The following FMN2 variants were observed in gnomAD, a reference collection of about 807,000 sequenced individuals.
FMN2 encodes formin 2, also known as formin-2.
FMN2 carries 51 observed loss-of-function variants against 142.3 expected under a neutral mutation model. That is an observed-to-expected ratio of 0.36 (90% CI 0.29 to 0.45). FMN2 has a LOEUF of 0.45. Ranked by LOEUF, FMN2 falls within the 20% of genes least tolerant of loss-of-function variation. The probability of loss-of-function intolerance (pLI) is 1.00; values close to 1 mark genes in which losing one functional copy is unlikely to be tolerated. For missense variants in FMN2, 1,936 were observed against 2,122.8 expected (o/e 0.91, Z 1.73); for synonymous variants, 882 against 869.8 (o/e 1.01, Z -0.25).
chr1:240,355,902 A>G lies in FMN2; in HGVS notation c.4852A>G (p.Ile1618Val). Residue 1618 changes from isoleucine to valine, a missense_variant, in exon 14 of 18, where the codon ATT (isoleucine) becomes GTT (valine). Physicochemically the swap from Ile to Val is conservative, Grantham distance 29. Coordinates refer to ENST00000319653, the MANE Select transcript of FMN2 (RefSeq NM_020066.5). Reference protein sequence around the residue: ...PFKENMEQFIIQAKIDQEAEE... With the variant: ...PFKENMEQFIVQAKIDQEAEE... Reference sequence around the variant, plus strand: ...CAAGGAAAACATGGAACAATTTATTATTCAAGGTAAATTCCAAAGAGATGT... The same window carrying G: ...CAAGGAAAACATGGAACAATTTATTGTTCAAGGTAAATTCCAAAGAGATGT... 6.9e-7 allele frequency: 1 copy of G among 1,440,740 alleles called. No individual in the cohort carries two copies. Among genetic ancestry groups the G allele is most frequent in the Non-Finnish European group, 9.4e-7 (1 of 1,060,098 alleles). The allele number at this position is 1,440,740 out of a possible 1,614,324, so 89.2% of individuals were successfully genotyped here.
rs755916887 is a variant in FMN2 at position 240,207,339 on chromosome 1, C to T, written c.2527C>T (p.His843Tyr). 2 of 1,613,810 alleles carry T rather than the reference C, an allele frequency of 1.2e-6. No individual in the cohort carries two copies. Among genetic ancestry groups the T allele is most frequent in the Non-Finnish European group, 1.7e-6 (2 of 1,179,846 alleles). ...TACCGAGTTTCAAACCAGCCACGAACACTCTGTTTCCTCTGCCTTTAAAAA... is the reference window on the plus strand; with the variant it reads ...TACCGAGTTTCAAACCAGCCACGAATACTCTGTTTCCTCTGCCTTTAAAAA... ...ISTEFQTSHE[H>Y]SVSSAFKNSC... Residue 843 changes from histidine (H) to tyrosine (Y), a missense_variant, in exon 5 of 18, where the codon CAC becomes TAC. By Grantham distance (83) the His-to-Tyr change is moderately conservative (BLOSUM62 2). This residue lies in a region of FMN2 where 478 missense variants were observed against 462.8 expected (regional missense o/e 1.03). Coordinates refer to ENST00000319653, the MANE Select transcript of FMN2 (RefSeq NM_020066.5).
At chr1:240,398,901 A>G (rs1214126390) in intron 15 of FMN2, among the ~76,000 whole-genome samples, 1 of 152,210 alleles carries the variant, frequency 6.6e-6, no homozygotes, top group Non-Finnish European at 1.5e-5. Flanking sequence ...CAGAAATTAT[A>G]AAAAGTTTAG....
intron 1 of FMN2, among the ~76,000 whole-genome samples, chr1:240,094,778 T>G (rs984299209): frequency 7.9e-5 from 12 of 152,246 alleles, no homozygotes; most frequent in African/African-American, 2.7e-4. Context: ...TTTTAAAATC[T>G]TATGTTCTAT....
At chr1:240,206,477 T>C (rs1572059081) in intron 4 of FMN2, among the ~76,000 whole-genome samples, 1 of 152,136 alleles carries the variant, frequency 6.6e-6, no homozygotes, top group Non-Finnish European at 1.5e-5. Context: ...GTTCCTAGGC[T>C]GGAAAGAAGG....
At chr1:240,321,894 C>T (rs1036424799) in intron 8 of FMN2, among the ~76,000 whole-genome samples, 1 of 152,138 alleles carries the variant, frequency 6.6e-6, no homozygotes, top group South Asian at 2.1e-4. Flanking sequence ...TGAAACACTT[C>T]TTGGTTTAAT....
intron 16 of FMN2, among the ~76,000 whole-genome samples, chr1:240,439,430 C>T (rs1675528418): frequency 6.6e-6 from 1 of 152,072 alleles, no homozygotes; most frequent in Admixed American, 6.6e-5. Context: ...AATTTTGATA[C>T]CTCCTTAAAT....
Position 240,184,708 on chromosome 1 carries a change from C to G in FMN2, c.1931-3499C>G, listed in dbSNP as rs547198447. On this transcript the variant is annotated intron_variant, in intron 3 of 17. Coordinates refer to ENST00000319653, the MANE Select transcript of FMN2 (RefSeq NM_020066.5). ...TCCTAGAGCTGGGTTTAAGGCAATTCCTGAAAGTGCCCTGGATCCTGGGAG... is the reference window on the plus strand; with the variant it reads ...TCCTAGAGCTGGGTTTAAGGCAATTGCTGAAAGTGCCCTGGATCCTGGGAG... 1.3e-4 allele frequency among the ~76,000 whole-genome samples: 19 copies of G among 151,910 alleles called. No individual in the cohort carries two copies. In the South Asian group the frequency reaches 3.5e-3, roughly 28 times the overall value.
chr1:240,376,434 AT>A (rs987910815), intron 14 of FMN2, among the ~76,000 whole-genome samples: 43 of 151,466 alleles, frequency 2.8e-4, no homozygotes, highest in African/African-American at 1.0e-3. Context: ...ATTAATTAGT[AT>A]TTTTTAATAT....
chr1:240,345,534 G>A (rs1191152483), intron 13 of FMN2, among the ~76,000 whole-genome samples: 2 of 152,126 alleles, frequency 1.3e-5, no homozygotes, highest in African/African-American at 4.8e-5. Context: ...GCAGTGGCCT[G>A]ATCTCGACTC....
At chr1:240,401,660 A>C (rs780374559) in intron 15 of FMN2, among the ~76,000 whole-genome samples, 8 of 152,202 alleles carry the variant, frequency 5.3e-5, no homozygotes, top group Non-Finnish European at 1.0e-4. Context: ...GTGATAGCTG[A>C]GTTGGGCTAT....
Position 240,245,932 on chromosome 1 carries a change from G to A in FMN2, c.4066-12013G>A, listed in dbSNP as rs555735759. ...ACAGTGGCTTACGCCTGTAATCCAG[G>A]CACTTGGGGAGGCCGTGGCGGGCGG... is the stretch of plus-strand genomic sequence containing the variant. On this transcript the variant is annotated intron_variant, in intron 6 of 17. Transcript: ENST00000319653. Among the ~76,000 whole-genome samples the A allele has an allele frequency of 3.8e-3, 569 of 151,132 alleles. 4 individuals carry two copies. Among genetic ancestry groups the A allele is most frequent in the African/African-American group, 0.013 (551 of 41,128 alleles).
chr1:240,123,438 AAAC>A, intron 2 of FMN2, 93 bp downstream of exon 2: 1 of 1,332,122 alleles, frequency 7.5e-7, no homozygotes, highest in Non-Finnish European at 1.0e-6. Context: ...TATAATTTAA[AAAC>A]AACATGTGAT....
chr1:240,221,872 A>G (rs568224515), intron 6 of FMN2, among the ~76,000 whole-genome samples: 8 of 138,698 alleles, frequency 5.8e-5, no homozygotes, highest in African/African-American at 2.1e-4. Context: ...TTTTTTAATG[A>G]AGTCTTGCTC....
At chr1:240,407,079 C>G (rs1043139573) in intron 15 of FMN2, among the ~76,000 whole-genome samples, 5 of 151,708 alleles carry the variant, frequency 3.3e-5, no homozygotes, top group Non-Finnish European at 5.9e-5. Flanking sequence ...ATTTCCCTAC[C>G]ATTTGTCTTG....
intron 13 of FMN2, among the ~76,000 whole-genome samples, chr1:240,352,448 G>A (rs1031292700): frequency 2.0e-5 from 3 of 152,132 alleles, no homozygotes; most frequent in Non-Finnish European, 4.4e-5. Context: ...AGGGCGTGGT[G>A]GCAGGCGCCT....
intron 10 of FMN2, among the ~76,000 whole-genome samples, 165 bp from the exon 11 acceptor site, chr1:240,330,438 C>CT (rs1358228401): frequency 1.3e-5 from 2 of 152,138 alleles, no homozygotes; most frequent in Admixed American, 1.3e-4. Flanking sequence ...CTTTTACTAA[C>CT]TTTCAGGATA....
At chr1:240,252,970 T>TTTTTTTTTTTTTTTTTTTTTTG (rs1668333313) in intron 6 of FMN2, among the ~76,000 whole-genome samples, 1 of 140,160 alleles carries the variant, frequency 7.1e-6, no homozygotes, top group Non-Finnish European at 1.5e-5. Context: ...TTTTTTTTTT[T>TTTTTTTTTTTTTTTTTTTTTTG]GGAGACAGAG....
chr1:240,459,717 T>TAAAAAAAAAAAAAAAAA (rs57065226), intron 16 of FMN2, among the ~76,000 whole-genome samples: 8 of 67,126 alleles, frequency 1.2e-4, no homozygotes, highest in African/African-American at 2.1e-4. Flanking sequence ...ACTCTGTCTC[T>TAAAAAAAAAAAAAAAAA]AAAAAAAAAA....
chr1:240,394,244 T>C (rs1673700347), intron 15 of FMN2, among the ~76,000 whole-genome samples: 4 of 152,174 alleles, frequency 2.6e-5, no homozygotes, highest in Admixed American at 2.6e-4. Context: ...AAAAGACAAA[T>C]GTAACTTTCT....
Sources: gnomAD v4.1 joint callset for allele counts (sites outside exome capture counted in the v4.1 genomes callset) on GRCh38, gnomAD v4.1.1 for gene constraint, gnomAD v4.1.1 regional missense constraint, MANE v1.5 for transcripts, NCBI Gene and HGNC (gene_info 2026-07-23, HGNC 2026-07-21) for gene names.